The following NECTIN3 variants were observed in gnomAD, a reference collection of about 807,000 sequenced individuals.
NECTIN3 encodes nectin cell adhesion molecule 3.
NECTIN3 carries 8 observed loss-of-function variants against 49.4 expected under a neutral mutation model. The ratio of observed to expected loss-of-function variants is 0.16; its 90% CI spans 0.10 to 0.29. The LOEUF is 0.29. Among genes scored for constraint, NECTIN3 ranks in the 10% least tolerant of loss-of-function variants. The pLI is 1.00. For synonymous variants in NECTIN3, 277 were observed against 241.1 expected (o/e 1.15, Z -1.38); for missense variants, 581 against 654.6 (o/e 0.89, Z 1.23).
intron 1 of NECTIN3, among the ~76,000 whole-genome samples, chr3:111,089,561 A>G (rs1337022231): frequency 6.6e-6 from 1 of 151,838 alleles, no homozygotes. Context: ...TGACTCATGG[A>G]TTATTTTGAG....
chr3:111,099,806 G>C (rs1301031005), intron 1 of NECTIN3, among the ~76,000 whole-genome samples: 1 of 152,134 alleles, frequency 6.6e-6, no homozygotes, highest in African/African-American at 2.4e-5. Flanking sequence ...TTGTACATTA[G>C]TGCCACTACA....
At chr3:111,127,443 A>G (rs943459357) in intron 5 of NECTIN3, among the ~76,000 whole-genome samples, 5 of 148,808 alleles carry the variant, frequency 3.4e-5, no homozygotes, top group African/African-American at 9.9e-5. Flanking sequence ...TGTGCCTGGC[A>G]CATGATAGAG....
At chr3:111,098,806 T>C (rs1219127323) in intron 1 of NECTIN3, among the ~76,000 whole-genome samples, 1 of 152,138 alleles carries the variant, frequency 6.6e-6, no homozygotes, top group Non-Finnish European at 1.5e-5. Context: ...CCTGCAATAT[T>C]CTGTTTCTCC....
chr3:111,187,452 C>G (rs2035741682), upstream of NECTIN3, among the ~76,000 whole-genome samples: 1 of 152,132 alleles, frequency 6.6e-6, no homozygotes, highest in Admixed American at 6.5e-5. Flanking sequence ...CCTAGCAAAT[C>G]ACACTCCTTA....
chr3:111,131,267 A>G (rs2107489522), intron 5 of NECTIN3, among the ~76,000 whole-genome samples: 1 of 152,130 alleles, frequency 6.6e-6, no homozygotes, highest in Non-Finnish European at 1.5e-5. Context: ...AAGTCATTAT[A>G]TCCATTATAT....
chr3:111,072,496 T>A, intron 1 of NECTIN3: 1 of 1,535,826 alleles, frequency 6.5e-7, no homozygotes, highest in Non-Finnish European at 8.7e-7. Flanking sequence ...CCTCGCTCAT[T>A]CTCTGGGAAC....
rs1178614252 is a variant in NECTIN3 at position 111,072,062 on chromosome 3, C to T, written c.45C>T (p.Gly15=). ...LRPSPLCPGG[G]KAQLSSASLL... is the part of the protein sequence containing the mutation. ...CGTCCCCGCTGTGTCCTGGAGGCGG[C>T]AAAGCACAACTTTCCTCCGCTTCTC... is the stretch of plus-strand genomic sequence containing the variant. The change falls in exon 1 of 6, where the codon GGC becomes GGT. Residue 15 remains glycine (G), a synonymous_variant. Transcript: ENST00000485303. 1.9e-6 allele frequency: 3 copies of T among 1,548,334 alleles called. No individual in the cohort carries two copies. The highest frequency in any genetic ancestry group is 1.2e-5 in the South Asian group (1 of 83,730).
At position 111,135,612 on chromosome 3, in the gene NECTIN3, G is replaced by A; in HGVS notation, c.*1397G>A. The A allele has an allele frequency of 5.2e-6, 5 of 964,008 alleles. No individual in the cohort carries two copies. The highest frequency in any genetic ancestry group is 6.2e-6 in the Non-Finnish European group (5 of 810,666). The allele number at this position is 964,008 out of a possible 1,614,324, so 59.7% of individuals were successfully genotyped here. On this transcript the variant is annotated 3_prime_UTR_variant, in exon 6 of 6. Coordinates refer to ENST00000485303, the MANE Select transcript of NECTIN3 (RefSeq NM_015480.3). ...AAAGTGACCATTTTGCCAGTGAAAT[G>A]AAGTGGAAGTTAGTAGGAGAATCAT...
intron 1 of NECTIN3, chr3:111,193,254 G>T (rs1265380474): frequency 6.5e-7 from 1 of 1,535,646 alleles, no homozygotes; most frequent in East Asian, 2.4e-5. Flanking sequence ...AGTTGGGGAA[G>T]ATGGCATTCA....
intron 1 of NECTIN3, among the ~76,000 whole-genome samples, chr3:111,101,263 A>G (rs1338229332): frequency 2.6e-5 from 4 of 152,140 alleles, no homozygotes; most frequent in Non-Finnish European, 5.9e-5. Context: ...TCCTTATTTG[A>G]AATTAAAACA....
Position 111,160,346 on chromosome 3 carries a change from C to A in NECTIN3, c.1221+12862C>A, listed in dbSNP as rs547797866. On this transcript the variant is annotated intron_variant, in intron 7 of 8. Transcript: ENST00000493615. Reference sequence around the variant, plus strand: ...TTTCTCTCCCTTAAATTTAACCTTTCTTTTAGATTAATGTTCCTTTATTGC... The same window carrying A: ...TTTCTCTCCCTTAAATTTAACCTTTATTTTAGATTAATGTTCCTTTATTGC... 1.3e-5 allele frequency among the ~76,000 whole-genome samples: 2 copies of A among 152,134 alleles called. 1 individual carries two copies. The highest frequency in any genetic ancestry group is 4.2e-4 in the South Asian group (2 of 4,818).
intron 7 of NECTIN3, among the ~76,000 whole-genome samples, chr3:111,184,888 A>G (rs1419982606): frequency 1.3e-5 from 2 of 152,234 alleles, no homozygotes; most frequent in African/African-American, 2.4e-5. Context: ...AGAGTAGCCT[A>G]TCTTCTAGAG....
intron 1 of NECTIN3, among the ~76,000 whole-genome samples, chr3:111,107,777 A>G (rs1178282854): frequency 6.6e-6 from 1 of 152,182 alleles, no homozygotes; most frequent in East Asian, 1.9e-4. Context: ...TTTAAGAACT[A>G]CAACAGAAAA....
At chr3:111,115,672 G>C (rs949026049) in intron 2 of NECTIN3, among the ~76,000 whole-genome samples, 1 of 152,210 alleles carries the variant, frequency 6.6e-6, no homozygotes, top group Non-Finnish European at 1.5e-5. Context: ...GATGACACTT[G>C]TGATTAGGAA....
At position 111,135,457 on chromosome 3, in the gene NECTIN3, T is replaced by TA; in HGVS notation, c.*1243dup. 1 of 943,988 alleles carries TA rather than the reference T, an allele frequency of 1.1e-6. No individual in the cohort carries two copies. 58.5% of individuals were successfully genotyped at this position (943,988 alleles called of 1,614,324 possible). On this transcript the variant is annotated 3_prime_UTR_variant, in exon 6 of 6. Coordinates refer to ENST00000485303, the MANE Select transcript of NECTIN3 (RefSeq NM_015480.3). ...CATTTATCTTTTGAGAAAGAAATGT[T>TA]ACCTAAACTTCAAATGTGCTTTTTG...
At chr3:111,171,382 G>C (rs928970524) in intron 7 of NECTIN3, among the ~76,000 whole-genome samples, 1 of 152,166 alleles carries the variant, frequency 6.6e-6, no homozygotes, top group Non-Finnish European at 1.5e-5. Context: ...TGTAAAAGGA[G>C]GGCATTTGTT....
intron 6 of NECTIN3, among the ~76,000 whole-genome samples, chr3:111,146,100 T>TC (rs2034867199): frequency 1.3e-5 from 2 of 152,208 alleles, no homozygotes; most frequent in African/African-American, 4.8e-5. Context: ...AAATGCTCTT[T>TC]CAGTATAATA....
At position 111,133,613 on chromosome 3, in the gene NECTIN3, CTA is replaced by C. The variant is rs766746665; in HGVS notation, c.1070-20_1070-19del. 43 of 1,598,356 alleles carry C rather than the reference CTA, an allele frequency of 2.7e-5. No homozygotes were observed. Among genetic ancestry groups the C allele is most frequent in the African/African-American group, 4.0e-5 (3 of 74,670 alleles). ...CATTCTTTGCCTTTCTGTGTCTTCT[CTA>C]TCTTTACTGTTTCCATTAGATCCTC... On this transcript the variant is annotated intron_variant, in intron 5 of 5. Transcript: ENST00000485303.
At chr3:111,096,693 G>C (rs1411014600) in intron 1 of NECTIN3, among the ~76,000 whole-genome samples, 2 of 152,182 alleles carry the variant, frequency 1.3e-5, no homozygotes, top group African/African-American at 2.4e-5. Flanking sequence ...AAGTGGCCAA[G>C]GTACAGCTCG....
Sources: gnomAD v4.1 joint callset for allele counts (sites outside exome capture counted in the v4.1 genomes callset) on GRCh38, gnomAD v4.1.1 for gene constraint, MANE v1.5 for transcripts, NCBI Gene and HGNC (gene_info 2026-07-23, HGNC 2026-07-21) for gene names.